The following C1QTNF9 variants were observed in gnomAD, a reference collection of about 807,000 sequenced individuals.
C1QTNF9 encodes complement C1q and tumor necrosis factor-related protein 9A.
C1QTNF9 carries 6 observed loss-of-function variants against 10.1 expected under a neutral mutation model. The ratio of observed to expected loss-of-function variants is 0.59; its 90% CI spans 0.32 to 1.17. The LOEUF (loss-of-function observed/expected upper bound fraction) is 1.17, where lower values mean the gene tolerates loss of function less well. C1QTNF9 is among the 50% of genes most tolerant of loss of function. C1QTNF9 has a pLI of 0.04. For synonymous variants in C1QTNF9, 98 were observed against 163.5 expected, an observed-to-expected ratio of 0.60 and a Z score of 3.06; for missense variants, 201 against 418.8, an observed-to-expected ratio of 0.48 and a Z score of 4.54.
At chr13:24,319,418 A>AGTCC (rs1878162526) in intron 3 of C1QTNF9, among the ~76,000 whole-genome samples, 1 of 152,116 alleles carries the variant, frequency 6.6e-6, no homozygotes, top group Admixed American at 6.5e-5. Flanking sequence ...ACGTGCCTGT[A>AGTCC]GTCCCAGCTA....
intron 1 of C1QTNF9, among the ~76,000 whole-genome samples, chr13:24,313,942 A>G (rs994002280): frequency 4.6e-5 from 7 of 152,226 alleles, no homozygotes; most frequent in East Asian, 1.9e-4. Flanking sequence ...TGACCTTCAT[A>G]ATTATTGCAG....
exon 4 of C1QTNF9, chr13:24,322,475 A>G (rs1878310329): frequency 6.6e-6 from 1 of 152,208 alleles, no homozygotes; most frequent in Non-Finnish European, 1.5e-5. Context: ...TTGAATCTCT[A>G]TGTGTTTTCT....
At chr13:24,318,323 T>A (rs532497788) in intron 2 of C1QTNF9, among the ~76,000 whole-genome samples, 3 of 152,320 alleles carry the variant, frequency 2.0e-5, no homozygotes, top group Admixed American at 6.5e-5. Flanking sequence ...CTTCCAGAAC[T>A]CTCTCTTCTA....
At chr13:24,311,037 A>G (rs1877801442) in intron 1 of C1QTNF9, among the ~76,000 whole-genome samples, 1 of 152,134 alleles carries the variant, frequency 6.6e-6, no homozygotes, top group African/African-American at 2.4e-5. Context: ...AGATCGTCAG[A>G]TCCGGGAGGG....
exon 4 of C1QTNF9, chr13:24,321,811 A>G (rs768738342): frequency 1.3e-6 from 2 of 1,512,328 alleles, no homozygotes; most frequent in Non-Finnish European, 1.8e-6. Flanking sequence ...CATCAGAATC[A>G]GCTTGGGATG....
chr13:24,315,173 A>T (rs1315674407), intron 1 of C1QTNF9, among the ~76,000 whole-genome samples: 1 of 152,120 alleles, frequency 6.6e-6, no homozygotes, highest in Admixed American at 6.6e-5. Context: ...AAATCTTCCC[A>T]AACAGAAACT....
At chr13:24,317,394 A>G (rs748786076) in intron 2 of C1QTNF9, among the ~76,000 whole-genome samples, 1 of 152,130 alleles carries the variant, frequency 6.6e-6, no homozygotes, top group African/African-American at 2.4e-5. Context: ...AAACACTCCT[A>G]TATTCAATAC....
chr13:24,307,697 T>C (rs1304837420), upstream of C1QTNF9, among the ~76,000 whole-genome samples: 1 of 152,176 alleles, frequency 6.6e-6, no homozygotes, highest in African/African-American at 2.4e-5. Context: ...CCAGAACCCA[T>C]AGGGCAGAGC....
intron 2 of C1QTNF9, among the ~76,000 whole-genome samples, chr13:24,316,537 A>G (rs1394498061): frequency 1.3e-5 from 2 of 152,252 alleles, no homozygotes; most frequent in African/African-American, 2.4e-5. Context: ...TTTGGCAACA[A>G]AAGGCTAATA....
chr13:24,318,517 G>A (rs1593535619), intron 2 of C1QTNF9, among the ~76,000 whole-genome samples: 1 of 151,848 alleles, frequency 6.6e-6, no homozygotes, highest in African/African-American at 2.4e-5. Flanking sequence ...GTGACAGTCA[G>A]TCCCCATTGC....
exon 2 of C1QTNF9, chr13:24,316,125 G>C: frequency 6.2e-7 from 1 of 1,612,152 alleles, no homozygotes; most frequent in Non-Finnish European, 8.5e-7. Flanking sequence ...GGTCTGCCTG[G>C]AAGAGATGGA....
intron 2 of C1QTNF9, among the ~76,000 whole-genome samples, chr13:24,318,289 C>A (rs1238465598): frequency 2.6e-5 from 4 of 152,218 alleles, no homozygotes; most frequent in African/African-American, 9.6e-5. Flanking sequence ...GGCATTTCCC[C>A]CAGTGTAAGG....
chr13:24,312,267 C>A (rs1877855318), intron 1 of C1QTNF9, among the ~76,000 whole-genome samples: 1 of 152,214 alleles, frequency 6.6e-6, no homozygotes, highest in South Asian at 2.1e-4. Flanking sequence ...CAGTCACCAT[C>A]TTCATAAAGC....
intron 1 of C1QTNF9, among the ~76,000 whole-genome samples, chr13:24,314,660 G>A (rs879775813): frequency 1.3e-5 from 2 of 152,074 alleles, no homozygotes; most frequent in Non-Finnish European, 2.9e-5. Context: ...CCACAAGGGC[G>A]AAACTGCATC....
intron 3 of C1QTNF9, among the ~76,000 whole-genome samples, chr13:24,319,261 G>A (rs4405411): frequency 0.33 from 50,835 of 151,976 alleles, 10,159 homozygotes; most frequent in Non-Finnish European, 0.43. Context: ...AACCATGGCC[G>A]AGCACCATGG....
At chr13:24,318,719 C>T (rs1401041444) in intron 2 of C1QTNF9, 99 bp from the exon 3 acceptor site, 41 of 1,553,786 alleles carry the variant, frequency 2.6e-5, no homozygotes, top group Non-Finnish European at 1.8e-6. Context: ...GCGGGGGTCA[C>T]CCCCAGACTC....
exon 4 of C1QTNF9, chr13:24,321,675 G>A (rs1878279879): frequency 1.2e-6 from 2 of 1,613,966 alleles, no homozygotes; most frequent in African/African-American, 2.7e-5. Flanking sequence ...AGGTGTGGCT[G>A]CAGGTGACAG....
chr13:24,319,338 A>G (rs1467456858), intron 3 of C1QTNF9, among the ~76,000 whole-genome samples: 1 of 152,164 alleles, frequency 6.6e-6, no homozygotes, highest in African/African-American at 2.4e-5. Flanking sequence ...TAGGAGTTCC[A>G]GACCACCCTG....
chr13:24,316,452 C>T (rs1226801872), intron 2 of C1QTNF9, among the ~76,000 whole-genome samples: 1 of 152,184 alleles, frequency 6.6e-6, no homozygotes. Context: ...TCTCTCATCT[C>T]TGACACCGCA....
Sources: allele counts gnomAD v4.1 joint callset (sites outside exome capture counted in the v4.1 genomes callset), GRCh38; gene constraint gnomAD v4.1.1; transcripts MANE v1.5; gene names NCBI Gene and HGNC (gene_info 2026-07-23, HGNC 2026-07-21).